Variants in CLASP1 observed in about 807,000 individuals in gnomAD.
CLASP1 encodes cytoplasmic linker associated protein 1.
CLASP1 carries 38 observed loss-of-function variants against 192.3 expected under a neutral mutation model. The observed-to-expected ratio is 0.20, with a 90% CI of 0.15 to 0.26. The LOEUF is 0.26. Among genes scored for constraint, CLASP1 ranks in the 10% least tolerant of loss-of-function variants. The pLI, the probability that CLASP1 is intolerant of heterozygous loss-of-function variation, is 1.00. For missense variants in CLASP1, 1,433 were observed against 1,932.5 expected (o/e 0.74, Z 4.85); for synonymous variants, 691 against 712.8 (o/e 0.97, Z 0.49).
chr2:121,618,224 T>C (rs1053454817), intron 1 of CLASP1, among the ~76,000 whole-genome samples: 1 of 152,258 alleles, frequency 6.6e-6, no homozygotes, highest in African/African-American at 2.4e-5. Flanking sequence ...TAATGCCTGT[T>C]GCAAACAAGG....
intron 1 of CLASP1, among the ~76,000 whole-genome samples, chr2:121,635,065 T>G (rs1448438371): frequency 6.6e-6 from 1 of 152,012 alleles, no homozygotes; most frequent in Non-Finnish European, 1.5e-5. Context: ...AGCTAGGCAC[T>G]GTGGCTCACA....
chr2:121,471,432 C>G (rs562106585), intron 8 of CLASP1, among the ~76,000 whole-genome samples: 1 of 152,110 alleles, frequency 6.6e-6, no homozygotes, highest in Non-Finnish European at 1.5e-5. Flanking sequence ...ATAAAAAAAA[C>G]AACATCTGTA....
At chr2:121,590,207 G>A (rs1020198356) in intron 2 of CLASP1, among the ~76,000 whole-genome samples, 4 of 152,266 alleles carry the variant, frequency 2.6e-5, no homozygotes, top group Admixed American at 2.6e-4. Context: ...AGGCACTCCT[G>A]CAACACTGAC....
intron 39 of CLASP1, among the ~76,000 whole-genome samples, chr2:121,342,939 T>A (rs1339988382): frequency 6.6e-6 from 1 of 152,114 alleles, no homozygotes; most frequent in African/African-American, 2.4e-5. Context: ...TTAATTAATT[T>A]ATGCATGCAC....
In CLASP1 at chr2:121,427,398, G is replaced by A; in HGVS notation, c.2044+6C>T. Reference sequence around the variant, plus strand: ...ACAAAAAAAGGCAAGAAGAGAAATGGCTTACCACCAGCAGGATTAGCAGAT... The same window carrying A: ...ACAAAAAAAGGCAAGAAGAGAAATGACTTACCACCAGCAGGATTAGCAGAT... On this transcript the variant is annotated splice_donor_region_variant and intron_variant, in intron 21 of 39. Transcript: ENST00000263710. The A allele has an allele frequency of 1.2e-6, 2 of 1,612,766 alleles. No individual in the cohort carries two copies. The highest frequency in any genetic ancestry group is 2.2e-5 in the East Asian group (1 of 44,836).
intron 8 of CLASP1, among the ~76,000 whole-genome samples, chr2:121,494,507 G>A (rs1308084189): frequency 6.6e-6 from 1 of 152,084 alleles, no homozygotes; most frequent in Non-Finnish European, 1.5e-5. Flanking sequence ...CAAAAATATA[G>A]TTAGACAGAA....
chr2:121,532,304 T>C (rs961173183), intron 2 of CLASP1: 16 of 152,188 alleles, frequency 1.1e-4, no homozygotes, highest in African/African-American at 3.9e-4. Context: ...ATAATAATGG[T>C]ATAAACACTT....
exon 4 of CLASP1, chr2:121,528,767 T>G (rs1419992228): frequency 1.2e-6 from 2 of 1,613,066 alleles, no homozygotes; most frequent in Non-Finnish European, 1.7e-6. Context: ...GTCTGTCTAT[T>G]AGACTTGGCA....
At chr2:121,495,252 G>A (rs1314514744) in intron 8 of CLASP1, among the ~76,000 whole-genome samples, 2 of 151,930 alleles carry the variant, frequency 1.3e-5, no homozygotes, top group Admixed American at 1.3e-4. Flanking sequence ...GAACCCAGGA[G>A]GCAGAGATTG....
intron 25 of CLASP1, among the ~76,000 whole-genome samples, chr2:121,404,835 T>C (rs2076681754): frequency 6.6e-6 from 1 of 152,236 alleles, no homozygotes; most frequent in African/African-American, 2.4e-5. Flanking sequence ...ACCAAATCTT[T>C]TTCATTTTAT....
In CLASP1 at chr2:121,525,844, C is replaced by A; in HGVS notation, c.546+1G>T. On this transcript the variant is annotated splice_donor_variant, in intron 6 of 39. Transcript: ENST00000263710. LOFTEE classifies it high-confidence loss of function. The stretch of plus-strand genomic sequence containing the variant: ...TCCCGAGGGTTTTCCTTCTCACTCA[C>A]CTGGCTGTTTGGATCTCCAAGTAAG... The A allele has an allele frequency of 6.2e-7, 1 of 1,610,280 alleles. No homozygotes were observed. Among genetic ancestry groups the A allele is most frequent in the Non-Finnish European group, 8.5e-7 (1 of 1,176,976 alleles).
At chr2:121,555,410 A>G (rs1229736528) in intron 2 of CLASP1, among the ~76,000 whole-genome samples, 1 of 152,136 alleles carries the variant, frequency 6.6e-6, no homozygotes, top group African/African-American at 2.4e-5. Context: ...AAAAGCATCT[A>G]TTTCTCTAAT....
chr2:121,423,633 C>G (rs1158473889), intron 22 of CLASP1, among the ~76,000 whole-genome samples: 1 of 152,172 alleles, frequency 6.6e-6, no homozygotes, highest in Non-Finnish European at 1.5e-5. Context: ...AAATCAAATG[C>G]ATTTTCCAAA....
At chr2:121,414,169 G>A (rs886670433) in intron 23 of CLASP1, among the ~76,000 whole-genome samples, 2 of 152,196 alleles carry the variant, frequency 1.3e-5, no homozygotes, top group East Asian at 3.8e-4. Context: ...CAGCAGTGGA[G>A]AGAGCACTAG....
intron 19 of CLASP1, among the ~76,000 whole-genome samples, chr2:121,439,209 ATTC>A (rs1308044723): frequency 2.6e-5 from 4 of 151,752 alleles, no homozygotes; most frequent in Non-Finnish European, 5.9e-5. Flanking sequence ...CGTCTATTTG[ATTC>A]TTCTTTTTTT....
At chr2:121,439,938 T>C (rs1354557140) in intron 19 of CLASP1, among the ~76,000 whole-genome samples, 2 of 53,428 alleles carry the variant, frequency 3.7e-5, no homozygotes, top group East Asian at 1.3e-3. Flanking sequence ...TGTCGTGGGG[T>C]GGGGGGAGGG....
chr2:121,546,674 A>G (rs1420463936), intron 2 of CLASP1, among the ~76,000 whole-genome samples: 1 of 152,070 alleles, frequency 6.6e-6, no homozygotes, highest in Non-Finnish European at 1.5e-5. Context: ...AGCTACATGG[A>G]ATCTTGGCAG....
chr2:121,348,954 T>C (rs1558816491), intron 37 of CLASP1, among the ~76,000 whole-genome samples: 1 of 152,028 alleles, frequency 6.6e-6, no homozygotes, highest in Non-Finnish European at 1.5e-5. Flanking sequence ...AGAAAAGTGG[T>C]ACTCGGCCGG....
At chr2:121,495,979 A>C (rs2093515468) in intron 8 of CLASP1, among the ~76,000 whole-genome samples, 1 of 152,188 alleles carries the variant, frequency 6.6e-6, no homozygotes, top group African/African-American at 2.4e-5. Flanking sequence ...TCACTTGCCC[A>C]AAATCCCATA....
Sources: gnomAD v4.1 joint callset for allele counts (sites outside exome capture counted in the v4.1 genomes callset) on GRCh38, gnomAD v4.1.1 for gene constraint, MANE v1.5 for transcripts, NCBI Gene and HGNC (gene_info 2026-07-23, HGNC 2026-07-21) for gene names.